Variants in ANO2 observed in about 807,000 individuals in gnomAD.
ANO2 encodes anoctamin 2.
Under a neutral mutation model 124.2 loss-of-function variants are expected in ANO2, and 101 were observed. The ratio of observed to expected loss-of-function variants is 0.81; its 90% CI spans 0.69 to 0.96. ANO2 has a LOEUF of 0.96. Ranked by LOEUF, ANO2 falls within the 40% of genes least tolerant of loss-of-function variation. The pLI is 0.00. For synonymous variants in ANO2, 486 were observed against 482.5 expected (o/e 1.01, Z -0.09); for missense variants, 1,293 against 1,274.5 (o/e 1.01, Z -0.22).
intron 1 of ANO2, among the ~76,000 whole-genome samples, chr12:5,931,230 C>A (rs1381482567): frequency 6.6e-6 from 1 of 152,062 alleles, no homozygotes; most frequent in Non-Finnish European, 1.5e-5. Context: ...CTTCATCTCC[C>A]AACACTCATC....
rs1390488671 is a variant in ANO2 at position 5,862,744 on chromosome 12, A to G, written c.535-8603T>C. 1.3e-5 allele frequency among the ~76,000 whole-genome samples: 2 copies of G among 152,160 alleles called. No homozygotes were observed. Among genetic ancestry groups the G allele is most frequent in the Non-Finnish European group, 2.9e-5 (2 of 68,024 alleles). On this transcript the variant is annotated intron_variant, in intron 3 of 24. Coordinates refer to ENST00000682330, the MANE Select transcript of ANO2 (RefSeq NM_001364791.2). The surrounding 1 kb of genome is among the most constrained non-coding windows in gnomAD (Gnocchi z 4.0). ...CCCCATACTGTTCTCGTGGTAGTGAATAAGCTCACAAGATCTGATGGTTTT... is the reference window on the plus strand; with the variant it reads ...CCCCATACTGTTCTCGTGGTAGTGAGTAAGCTCACAAGATCTGATGGTTTT...
intron 4 of ANO2, among the ~76,000 whole-genome samples, chr12:5,836,982 T>C (rs575460233): frequency 6.6e-6 from 1 of 152,354 alleles, no homozygotes; most frequent in Non-Finnish European, 1.5e-5. Flanking sequence ...CCTATTGTTT[T>C]ATGAATGAAT....
intron 20 of ANO2, among the ~76,000 whole-genome samples, chr12:5,593,033 G>A (rs1354260338): frequency 6.6e-6 from 1 of 152,148 alleles, no homozygotes; most frequent in Non-Finnish European, 1.5e-5. Flanking sequence ...AGGAGAGGCT[G>A]GGGGTCTCTG....
chr12:5,739,458 C>G (rs1433252921), intron 12 of ANO2, 59 bp from the exon 13 acceptor site: 1 of 1,430,318 alleles, frequency 7.0e-7, no homozygotes, highest in Non-Finnish European at 9.6e-7. Context: ...GATTCTGTAC[C>G]CTTTGGGCTC....
intron 10 of ANO2, among the ~76,000 whole-genome samples, chr12:5,757,739 C>A (rs1951621096): frequency 6.6e-6 from 1 of 152,146 alleles, no homozygotes; most frequent in Non-Finnish European, 1.5e-5. Context: ...ACCAGGAGAA[C>A]TGAATTTTTT....
intron 4 of ANO2, among the ~76,000 whole-genome samples, chr12:5,852,258 G>T (rs980767005): frequency 1.3e-5 from 2 of 152,152 alleles, no homozygotes; most frequent in African/African-American, 2.4e-5. Context: ...GAGGGCTGCG[G>T]TATTAGGAGT....
At chr12:5,922,914 G>T (rs904153455) in intron 1 of ANO2, 110 bp from the exon 2 acceptor site, 14 of 1,143,308 alleles carry the variant, frequency 1.2e-5, no homozygotes, top group Middle Eastern at 2.5e-4. Flanking sequence ...GGCCCATTTT[G>T]CTTCACAGCT....
chr12:5,685,356 T>G (rs536281639), intron 14 of ANO2, among the ~76,000 whole-genome samples: 1 of 152,038 alleles, frequency 6.6e-6, no homozygotes, highest in African/African-American at 2.4e-5. Context: ...CGAGTCTCCA[T>G]GGTGGGGAAG....
At position 5,599,766 on chromosome 12, in the gene ANO2, C is replaced by T. The variant is rs972734094; in HGVS notation, c.2088-137G>A. The T allele has an allele frequency of 1.2e-5, 12 of 963,594 alleles. No homozygotes were observed. The African/African-American group carries it at 1.8e-4, about 15-fold the overall frequency. 59.7% of individuals were successfully genotyped at this position (963,594 alleles called of 1,614,324 possible). On this transcript the variant is annotated intron_variant, in intron 19 of 24. Transcript: ENST00000682330. ...CCAAAAACAAGTAGAGATAGAGAGA[C>T]ACTAAAGAGACTACTTTTCTCCTAA... is the stretch of plus-strand genomic sequence containing the variant.
chr12:5,767,224 TTAG>T (rs1310666632), intron 10 of ANO2, among the ~76,000 whole-genome samples: 1 of 152,182 alleles, frequency 6.6e-6, no homozygotes, highest in Admixed American at 6.5e-5. Flanking sequence ...GTGGGTGTTC[TTAG>T]TAGTGTCATG....
At chr12:5,830,285 G>T in intron 6 of ANO2, 150 bp downstream of exon 6, 1 of 686,146 alleles carries the variant, frequency 1.5e-6, no homozygotes, top group Admixed American at 3.1e-5. Context: ...TTGGGGAATG[G>T]GGAAGCTCTT....
chr12:5,779,207 C>T (rs1349850702), intron 10 of ANO2, among the ~76,000 whole-genome samples: 2 of 152,228 alleles, frequency 1.3e-5, no homozygotes, highest in Non-Finnish European at 2.9e-5. Context: ...ATCAAGAGTA[C>T]ACTCAGTAAG....
At chr12:5,602,039 C>T (rs148596473) in intron 19 of ANO2, among the ~76,000 whole-genome samples, 23 of 152,260 alleles carry the variant, frequency 1.5e-4, no homozygotes, top group African/African-American at 4.3e-4. Context: ...TGGCTCTGTA[C>T]GCATGTTGCC....
At chr12:5,919,512 G>A (rs1347782352) in intron 3 of ANO2, among the ~76,000 whole-genome samples, 2 of 143,266 alleles carry the variant, frequency 1.4e-5, no homozygotes, top group Non-Finnish European at 3.2e-5. Flanking sequence ...AGGTCAAGGT[G>A]CCCAAAGCAG....
Position 5,921,208 on chromosome 12 carries a change from C to T in ANO2, c.366G>A (p.Ser122=), listed in dbSNP as rs764943502. 23 of 1,613,908 alleles carry T rather than the reference C, an allele frequency of 1.4e-5. No homozygotes were observed. The highest frequency in any genetic ancestry group is 3.3e-4 in the Middle Eastern group (2 of 6,062). ...TCTCCCCATTGGAGACGATAGCCAGCGAGTGGCCAGGGAAGCCTTGGGCCA... is the reference window on the plus strand; with the variant it reads ...TCTCCCCATTGGAGACGATAGCCAGTGAGTGGCCAGGGAAGCCTTGGGCCA... ...VHLAQGFPGH[S]LAIVSNGETG... is the part of the protein sequence containing the mutation. The change falls in exon 3 of 25, where the codon TCG becomes TCA. Residue 122 remains serine, a synonymous_variant. Coordinates refer to ENST00000682330, the MANE Select transcript of ANO2 (RefSeq NM_001364791.2).
chr12:5,629,517 C>T (rs1945593824), intron 16 of ANO2, among the ~76,000 whole-genome samples: 1 of 152,194 alleles, frequency 6.6e-6, no homozygotes, highest in African/African-American at 2.4e-5. Flanking sequence ...TTCTTCTTGC[C>T]TCCTGCCTTA....
chr12:5,835,256 A>G (rs1954280900), intron 4 of ANO2, among the ~76,000 whole-genome samples: 1 of 152,214 alleles, frequency 6.6e-6, no homozygotes, highest in South Asian at 2.1e-4. Flanking sequence ...GACGGGCAAT[A>G]GTGACAATCT....
intron 19 of ANO2, among the ~76,000 whole-genome samples, chr12:5,601,129 AG>A (rs1201631782): frequency 3.3e-5 from 5 of 152,186 alleles, no homozygotes. Flanking sequence ...CAACTCTATA[AG>A]CTTTAGTTTT....
intron 1 of ANO2, among the ~76,000 whole-genome samples, chr12:5,937,870 A>C (rs1489631402): frequency 6.6e-6 from 1 of 152,164 alleles, no homozygotes; most frequent in East Asian, 1.9e-4. Flanking sequence ...ATTTTTCTCT[A>C]CCGTGTGCTT....
Sources: allele counts gnomAD v4.1 joint callset (sites outside exome capture counted in the v4.1 genomes callset), GRCh38; gene constraint gnomAD v4.1.1; non-coding constraint Gnocchi (gnomAD v3.1); transcripts MANE v1.5; gene names NCBI Gene and HGNC (gene_info 2026-07-23, HGNC 2026-07-21).